Variants in PRKN observed in about 807,000 individuals in gnomAD.
PRKN encodes the protein parkin RBR E3 ubiquitin protein ligase, also known as E3 ubiquitin-protein ligase parkin.
In PRKN, 56 loss-of-function variants were observed where a neutral mutation model predicts 59.5. The ratio of observed to expected loss-of-function variants is 0.94; its 90% CI spans 0.76 to 1.18. PRKN has a LOEUF of 1.18. Ranked by LOEUF, PRKN falls within the 50% of genes most tolerant of loss-of-function variation. The pLI is 0.00. For missense variants in PRKN, 657 were observed against 596.4 expected (o/e 1.10, Z -1.06); for synonymous variants, 250 against 222.1 (o/e 1.13, Z -1.12).
intron 4 of PRKN, among the ~76,000 whole-genome samples, chr6:162,193,555 G>T (rs1784377143): frequency 6.6e-6 from 1 of 152,124 alleles, no homozygotes; most frequent in South Asian, 2.1e-4. Context: ...AACATTGGAG[G>T]AGTCTTTGAG....
At chr6:161,653,965 G>C (rs1304611906) in intron 7 of PRKN, among the ~76,000 whole-genome samples, 4 of 151,888 alleles carry the variant, frequency 2.6e-5, no homozygotes, top group Admixed American at 2.6e-4. Flanking sequence ...TTTGGGATCT[G>C]ATAGTCTCTA....
At chr6:162,127,620 T>C (rs561650910) in intron 4 of PRKN, among the ~76,000 whole-genome samples, 64 of 152,302 alleles carry the variant, frequency 4.2e-4, no homozygotes, top group Non-Finnish European at 8.4e-4. Flanking sequence ...AACATTGTAA[T>C]AAAATGTGCA....
Position 161,355,406 on chromosome 6 carries a change from T to C in PRKN, c.1285+4682A>G, listed in dbSNP as rs1459910542. On this transcript the variant is annotated intron_variant, in intron 11 of 11. Coordinates refer to ENST00000366898, the MANE Select transcript of PRKN (RefSeq NM_004562.3). This position sits in a 1 kb window ranked among gnomAD's most constrained non-coding sequence, Gnocchi z 6.8. ...GCTAAGTTTTTGTGTGTTTGTGTTT[T>C]ATTTATTCTTTTTGAGACGGAGTCT... Among the ~76,000 whole-genome samples the C allele has an allele frequency of 6.6e-6, 1 of 152,250 alleles. No homozygotes were observed. Among genetic ancestry groups the C allele is most frequent in the African/African-American group, 2.4e-5 (1 of 41,476 alleles).
At chr6:162,099,398 G>T (rs940221676) in intron 4 of PRKN, among the ~76,000 whole-genome samples, 1 of 152,140 alleles carries the variant, frequency 6.6e-6, no homozygotes, top group Admixed American at 6.5e-5. Context: ...TTTACTGAAA[G>T]TCAGCTTTTG....
chr6:162,006,223 C>T (rs191729188), intron 5 of PRKN, among the ~76,000 whole-genome samples: 4 of 152,198 alleles, frequency 2.6e-5, no homozygotes, highest in South Asian at 2.1e-4. Context: ...GTTGATTAAA[C>T]GACTGACAAT....
chr6:161,805,622 A>T (rs1791285817), intron 6 of PRKN, among the ~76,000 whole-genome samples: 1 of 151,832 alleles, frequency 6.6e-6, no homozygotes, highest in South Asian at 2.1e-4. Flanking sequence ...GGCCATCACT[A>T]CCCCCGGCTC....
chr6:161,786,370 T>A (rs1199453351), intron 6 of PRKN, among the ~76,000 whole-genome samples: 6 of 152,162 alleles, frequency 3.9e-5, no homozygotes, highest in African/African-American at 1.4e-4. Context: ...TACCAGGCAT[T>A]GTAAAGTTTT....
chr6:161,819,620 T>G (rs1791936589), intron 6 of PRKN, among the ~76,000 whole-genome samples: 1 of 152,160 alleles, frequency 6.6e-6, no homozygotes, highest in Non-Finnish European at 1.5e-5. Context: ...TAAATAAATT[T>G]TATAAAAATA....
At position 161,468,391 on chromosome 6, in the gene PRKN, A is replaced by C. The variant is rs909340743; in HGVS notation, c.1083+80463T>G. 1.3e-5 allele frequency among the ~76,000 whole-genome samples: 2 copies of C among 152,214 alleles called. No homozygotes were observed. The highest frequency in any genetic ancestry group is 6.5e-5 in the Admixed American group (1 of 15,286). The stretch of plus-strand genomic sequence containing the variant: ...GAGAGAAGAGGCAGTGGGTCTGGGA[A>C]AATACTCAGCCTTGAAAAGTCAACC... On this transcript the variant is annotated intron_variant, in intron 9 of 11. Coordinates refer to ENST00000366898, the MANE Select transcript of PRKN (RefSeq NM_004562.3). This position sits in a 1 kb window ranked among gnomAD's most constrained non-coding sequence, Gnocchi z 5.9.
chr6:161,923,071 C>T (rs1405603427), intron 6 of PRKN, among the ~76,000 whole-genome samples: 1 of 152,230 alleles, frequency 6.6e-6, no homozygotes, highest in Non-Finnish European at 1.5e-5. Flanking sequence ...CCCATGTGGC[C>T]TCCCTGTTCC....
At chr6:162,285,914 C>A (rs1010508747) in intron 2 of PRKN, among the ~76,000 whole-genome samples, 1 of 152,110 alleles carries the variant, frequency 6.6e-6, no homozygotes, top group Non-Finnish European at 1.5e-5. Context: ...AAATGTGTGG[C>A]GGCGGGGGCA....
intron 7 of PRKN, among the ~76,000 whole-genome samples, chr6:161,673,163 A>G (rs553661515): frequency 6.6e-6 from 1 of 152,122 alleles, no homozygotes; most frequent in East Asian, 1.9e-4. Context: ...TCGTAGGGAG[A>G]TGGTCTCCAC....
Position 162,124,289 on chromosome 6 carries a change from C to T in PRKN, c.535-70115G>A, listed in dbSNP as rs527571268. ...CAATTCCCTTAATATTTCATTTTTG[C>T]TTTTCAGTTTTCTAACTCTGTGTAA... On this transcript the variant is annotated intron_variant, in intron 4 of 11. Transcript: ENST00000366898. 2.6e-5 allele frequency among the ~76,000 whole-genome samples: 4 copies of T among 152,234 alleles called. No individual in the cohort carries two copies. The East Asian group carries it at 7.7e-4, about 29-fold the overall frequency.
At chr6:162,150,794 G>A (rs984379606) in intron 4 of PRKN, among the ~76,000 whole-genome samples, 1 of 152,096 alleles carries the variant, frequency 6.6e-6, no homozygotes, top group Non-Finnish European at 1.5e-5. Flanking sequence ...GACACAGACA[G>A]GAAATTGGAT....
chr6:162,608,431 A>G (rs192100886), intron 1 of PRKN, among the ~76,000 whole-genome samples: 1 of 152,262 alleles, frequency 6.6e-6, no homozygotes, highest in East Asian at 1.9e-4. Context: ...CGGATGCTAA[A>G]TCTCCCAGGA....
In PRKN at chr6:161,579,395, G is replaced by T. The variant is rs576651079; in HGVS notation, c.872-9979C>A. The stretch of plus-strand genomic sequence containing the variant: ...GCACCTAATTATCATGGTTAATGAG[G>T]TTTCTTTAGGAGAAAAGAATTCTGA... On this transcript the variant is annotated intron_variant, in intron 7 of 11. Transcript: ENST00000366898. The surrounding 1 kb of genome is among the most constrained non-coding windows in gnomAD (Gnocchi z 4.2). Among the ~76,000 whole-genome samples the T allele has an allele frequency of 1.1e-4, 17 of 152,278 alleles. No homozygotes were observed. The South Asian group carries it at 3.1e-3, about 28-fold the overall frequency.
At chr6:162,540,523 ACTGG>A in intron 1 of PRKN, among the ~76,000 whole-genome samples, 1 of 152,196 alleles carries the variant, frequency 6.6e-6, no homozygotes, top group Admixed American at 6.6e-5. Flanking sequence ...GAGTATATTA[ACTGG>A]CTGGGCGTGG....
intron 7 of PRKN, among the ~76,000 whole-genome samples, chr6:161,690,422 G>C (rs912576465): frequency 1.3e-5 from 2 of 152,180 alleles, no homozygotes; most frequent in Admixed American, 6.5e-5. Flanking sequence ...CCTTACAAGA[G>C]GAAGAATCTG....
chr6:162,236,807 A>G (rs1007523741), intron 3 of PRKN, among the ~76,000 whole-genome samples: 3 of 151,430 alleles, frequency 2.0e-5, no homozygotes, highest in Non-Finnish European at 4.4e-5. Context: ...AAAAAGAAAG[A>G]AAGAGAGAGA....
Sources: allele counts gnomAD v4.1 joint callset (sites outside exome capture counted in the v4.1 genomes callset), GRCh38; gene constraint gnomAD v4.1.1; non-coding constraint Gnocchi (gnomAD v3.1); transcripts MANE v1.5; gene names NCBI Gene and HGNC (gene_info 2026-07-23, HGNC 2026-07-21).